The following PLPP1 variants were observed in gnomAD, a reference collection of about 807,000 sequenced individuals.
The protein encoded by PLPP1 is lipid phosphate phosphohydrolase 1a.
A neutral mutation model predicts 31.2 loss-of-function variants in PLPP1; 24 were observed. That is an observed-to-expected ratio of 0.77 (90% confidence interval 0.56 to 1.08). The LOEUF is 1.08. Ranked by LOEUF, PLPP1 falls within the 50% of genes least tolerant of loss-of-function variation. PLPP1 has a pLI of 0.00. For missense variants in PLPP1, 319 were observed against 342.7 expected, an observed-to-expected ratio of 0.93 and a Z score of 0.55; for synonymous variants, 146 against 126.3, an observed-to-expected ratio of 1.16 and a Z score of -1.05.
intron 1 of PLPP1, among the ~76,000 whole-genome samples, chr5:55,496,386 C>CG (rs1277930587): frequency 6.6e-6 from 1 of 152,018 alleles, no homozygotes; most frequent in Non-Finnish European, 1.5e-5. Flanking sequence ...ATGTAATAAC[C>CG]GCCGGGCGTG....
chr5:55,512,564 GAAAGAAAGA>G (rs1191478437), intron 1 of PLPP1, among the ~76,000 whole-genome samples: 5 of 140,542 alleles, frequency 3.6e-5, no homozygotes, highest in African/African-American at 1.3e-4. Flanking sequence ...AAGAAAGAAA[GAAAGAAAGA>G]AAGGTAACAT....
intron 1 of PLPP1, among the ~76,000 whole-genome samples, chr5:55,504,425 G>A (rs1020447903): frequency 3.4e-5 from 5 of 148,790 alleles, no homozygotes; most frequent in Middle Eastern, 3.5e-3. Context: ...GGGAGGCTGA[G>A]GCAGGAGGAG....
At chr5:55,456,349 G>C (rs1229340021) in intron 3 of PLPP1, among the ~76,000 whole-genome samples, 1 of 152,012 alleles carries the variant, frequency 6.6e-6, no homozygotes, top group Non-Finnish European at 1.5e-5. Flanking sequence ...AAAAAATCAA[G>C]ATCAAAAACC....
intron 2 of PLPP1, among the ~76,000 whole-genome samples, chr5:55,472,636 C>CAGAG (rs1174820270): frequency 2.6e-5 from 3 of 113,740 alleles, no homozygotes; most frequent in Non-Finnish European, 3.6e-5. Flanking sequence ...AAGAAAGAGA[C>CAGAG]AGAGAGAGAG....
At chr5:55,517,020 A>G (rs561151717) in intron 1 of PLPP1, among the ~76,000 whole-genome samples, 13 of 152,304 alleles carry the variant, frequency 8.5e-5, no homozygotes, top group African/African-American at 2.4e-4. Flanking sequence ...ATAATTCACT[A>G]TAAGTCAGAT....
intron 4 of PLPP1, among the ~76,000 whole-genome samples, chr5:55,440,952 A>C (rs1467998675): frequency 6.6e-6 from 1 of 152,162 alleles, no homozygotes; most frequent in Non-Finnish European, 1.5e-5. Flanking sequence ...TAAGACAAAA[A>C]TTATAGCTGA....
chr5:55,426,108 G>A (rs1751187864), intron 4 of PLPP1, 69 bp from the exon 5 acceptor site: 2 of 1,342,496 alleles, frequency 1.5e-6, no homozygotes, highest in Admixed American at 2.6e-5. Flanking sequence ...TTAAGGAAGG[G>A]TTGGCATTTG....
intron 1 of PLPP1, among the ~76,000 whole-genome samples, chr5:55,517,311 A>C (rs1554041932): frequency 2.0e-5 from 3 of 152,028 alleles, no homozygotes; most frequent in Non-Finnish European, 4.4e-5. Context: ...TCAACCCCCA[A>C]GTTAGCTGGG....
chr5:55,442,249 T>C (rs1385184101), intron 3 of PLPP1, among the ~76,000 whole-genome samples: 3 of 152,236 alleles, frequency 2.0e-5, no homozygotes, highest in Non-Finnish European at 4.4e-5. Flanking sequence ...TACACACTTA[T>C]GTGACCATGA....
intron 1 of PLPP1, among the ~76,000 whole-genome samples, chr5:55,499,884 G>A (rs567853029): frequency 1.9e-4 from 29 of 150,346 alleles, no homozygotes; most frequent in South Asian, 4.2e-4. Flanking sequence ...CATAAAATCC[G>A]GTAGAATATA....
chr5:55,433,377 A>T (rs1466427250), intron 4 of PLPP1, among the ~76,000 whole-genome samples: 36 of 145,278 alleles, frequency 2.5e-4, no homozygotes, highest in African/African-American at 9.2e-4. Context: ...ACAGGAAATC[A>T]AACTGTCCGT....
chr5:55,434,722 T>G (rs1347666018), intron 4 of PLPP1, among the ~76,000 whole-genome samples: 1 of 152,088 alleles, frequency 6.6e-6, no homozygotes, highest in Non-Finnish European at 1.5e-5. Flanking sequence ...GATATCCATA[T>G]GCAGAAGAAT....
intron 3 of PLPP1, among the ~76,000 whole-genome samples, chr5:55,455,594 C>CCAGG: frequency 6.6e-6 from 1 of 152,302 alleles, no homozygotes; most frequent in East Asian, 1.9e-4. Flanking sequence ...GCACTCCAGG[C>CCAGG]CAGGCTACAG....
chr5:55,429,587 C>T (rs1751294745), intron 4 of PLPP1, among the ~76,000 whole-genome samples: 1 of 152,068 alleles, frequency 6.6e-6, no homozygotes, highest in Non-Finnish European at 1.5e-5. Flanking sequence ...TGGCACTGCT[C>T]CAGAGAGGGA....
intron 3 of PLPP1, among the ~76,000 whole-genome samples, chr5:55,463,125 G>A (rs1188286464): frequency 1.3e-5 from 2 of 152,148 alleles, no homozygotes; most frequent in Admixed American, 6.5e-5. Flanking sequence ...CTAAGTGGGA[G>A]TTGAACAATG....
chr5:55,504,024 C>T (rs1007709823), intron 1 of PLPP1, among the ~76,000 whole-genome samples: 1 of 151,894 alleles, frequency 6.6e-6, no homozygotes, highest in African/African-American at 2.4e-5. Context: ...CCTGTCATCT[C>T]AGCACTTTGA....
chr5:55,520,392 C>T (rs1170557838), intron 1 of PLPP1, among the ~76,000 whole-genome samples: 1 of 152,182 alleles, frequency 6.6e-6, no homozygotes, highest in Non-Finnish European at 1.5e-5. Flanking sequence ...CACATGAAAT[C>T]ACATTTAAAT....
chr5:55,427,254 A>T (rs1279374033), intron 4 of PLPP1, among the ~76,000 whole-genome samples: 2 of 152,226 alleles, frequency 1.3e-5, no homozygotes, highest in Admixed American at 1.3e-4. Context: ...GCCTATTTAA[A>T]ATAGATGACA....
At chr5:55,505,978 A>G (rs754460456) in intron 1 of PLPP1, among the ~76,000 whole-genome samples, 2 of 152,146 alleles carry the variant, frequency 1.3e-5, no homozygotes, top group Non-Finnish European at 2.9e-5. Flanking sequence ...AATCGCTTGA[A>G]CCTGGGAGGC....
Sources: gnomAD v4.1 joint callset for allele counts (sites outside exome capture counted in the v4.1 genomes callset) on GRCh38, gnomAD v4.1.1 for gene constraint, MANE v1.5 for transcripts, NCBI Gene and HGNC (gene_info 2026-07-23, HGNC 2026-07-21) for gene names.